The following FRMD3 variants were observed in gnomAD, a reference collection of about 807,000 sequenced individuals.
FRMD3 encodes the protein FERM domain-containing protein 3.
In FRMD3, 33 loss-of-function variants were observed where a neutral mutation model predicts 70.2. The ratio of observed to expected loss-of-function variants is 0.47; its 90% CI spans 0.36 to 0.63. FRMD3 has a LOEUF of 0.63. Among genes scored for constraint, FRMD3 ranks in the 20% least tolerant of loss-of-function variants. The pLI, the probability that FRMD3 is intolerant of heterozygous loss-of-function variation, is 0.00. For missense variants in FRMD3, 632 were observed against 711.4 expected (o/e 0.89, Z 1.27); for synonymous variants, 279 against 255.9 (o/e 1.09, Z -0.86).
At position 83,246,288 on chromosome 9, in the gene FRMD3, A is replaced by ACTC; in HGVS notation, c.*1627_*1629dup. The ACTC allele has an allele frequency of 1.0e-6, 1 of 984,596 alleles. No individual in the cohort carries two copies. Among genetic ancestry groups the ACTC allele is most frequent in the Non-Finnish European group, 1.2e-6 (1 of 829,344 alleles). The allele number at this position is 984,596 out of a possible 1,614,324, so 61.0% of individuals were successfully genotyped here. On this transcript the variant is annotated 3_prime_UTR_variant, in exon 14 of 14. Coordinates refer to ENST00000304195, the MANE Select transcript of FRMD3 (RefSeq NM_174938.6). ...CTATGCTCCATGGCATAAGTTCTAG[A>ACTC]CTCTTATCTTTCTCCCACATAACAC... is the stretch of plus-strand genomic sequence containing the variant.
chr9:83,526,685 T>G (rs1306847372), intron 1 of FRMD3, among the ~76,000 whole-genome samples: 1 of 152,204 alleles, frequency 6.6e-6, no homozygotes, highest in Non-Finnish European at 1.5e-5. Context: ...CCCAACTGAC[T>G]GCGAGCTCCT....
chr9:83,479,770 G>GAAAAGAAAA (rs1828518721), intron 1 of FRMD3, among the ~76,000 whole-genome samples: 1 of 50,906 alleles, frequency 2.0e-5, no homozygotes, highest in African/African-American at 1.1e-4. Flanking sequence ...AGGGAGGGAG[G>GAAAAGAAAA]GAGGGAGGGA....
chr9:83,435,144 G>C (rs2131382606), intron 1 of FRMD3, among the ~76,000 whole-genome samples: 1 of 152,172 alleles, frequency 6.6e-6, no homozygotes, highest in South Asian at 2.1e-4. Flanking sequence ...CCCTTATTTA[G>C]TGTTCCTTGC....
chr9:83,347,905 C>T (rs963598669), intron 4 of FRMD3, among the ~76,000 whole-genome samples: 10 of 152,150 alleles, frequency 6.6e-5, no homozygotes, highest in Admixed American at 5.9e-4. Flanking sequence ...ATCTTAATTA[C>T]CTTTGGAAAC....
At chr9:83,387,205 G>C (rs3860913) in intron 2 of FRMD3, among the ~76,000 whole-genome samples, 110,053 of 152,006 alleles carry the variant, frequency 0.72, 40,112 homozygotes, top group Admixed American at 0.75. Flanking sequence ...TTCTATTTCC[G>C]TCATTCCTTC....
At chr9:83,356,261 A>G (rs1252326723) in intron 3 of FRMD3, among the ~76,000 whole-genome samples, 1 of 140,742 alleles carries the variant, frequency 7.1e-6, no homozygotes. Context: ...GAGAAGCATC[A>G]CTCAGCAGCA....
chr9:83,507,714 A>C (rs1270688883), intron 1 of FRMD3, among the ~76,000 whole-genome samples: 1 of 103,820 alleles, frequency 9.6e-6, no homozygotes, highest in Admixed American at 1.0e-4. Context: ...ATATATATAT[A>C]TATATATATA....
intron 1 of FRMD3, 79 bp from the exon 2 acceptor site, chr9:83,389,787 A>C: frequency 1.1e-6 from 1 of 937,578 alleles, no homozygotes; most frequent in Non-Finnish European, 1.7e-6. Flanking sequence ...GTTCACCACC[A>C]TGGGTCTATG....
At chr9:83,362,806 C>CCTTCCTTCCTTCGCTT (rs1472095288) in intron 3 of FRMD3, among the ~76,000 whole-genome samples, 5,359 of 89,212 alleles carry the variant, frequency 0.06, 890 homozygotes, top group African/African-American at 0.11. Context: ...CTTCCTTTTT[C>CCTTCCTTCCTTCGCTT]CTTCCTTCCC....
At chr9:83,314,962 AC>A (rs1446774226) in intron 6 of FRMD3, among the ~76,000 whole-genome samples, 1 of 152,068 alleles carries the variant, frequency 6.6e-6, no homozygotes, top group Non-Finnish European at 1.5e-5. Flanking sequence ...GTCTTTTGGT[AC>A]TATGCTCTGA....
the FRMD3 span, among the ~76,000 whole-genome samples, chr9:83,567,352 C>T: frequency 6.6e-6 from 1 of 152,194 alleles, no homozygotes; most frequent in Non-Finnish European, 1.5e-5. Context: ...CCTCCTAGGC[C>T]TCTGGGCCTG....
At chr9:83,271,754 GC>G (rs1833560072) in intron 13 of FRMD3, among the ~76,000 whole-genome samples, 1 of 152,166 alleles carries the variant, frequency 6.6e-6, no homozygotes, top group Admixed American at 6.5e-5. Flanking sequence ...TGAGATAACT[GC>G]TCTCTGGGGC....
At chr9:83,462,064 G>A (rs771169589) in intron 1 of FRMD3, among the ~76,000 whole-genome samples, 2 of 152,102 alleles carry the variant, frequency 1.3e-5, no homozygotes, top group Admixed American at 6.5e-5. Context: ...AAAAGACCTG[G>A]AGAAGTTGAA....
intron 6 of FRMD3, among the ~76,000 whole-genome samples, chr9:83,321,361 G>A (rs1197020672): frequency 1.3e-5 from 2 of 151,948 alleles, no homozygotes; most frequent in Non-Finnish European, 2.9e-5. Context: ...GTATTCCACA[G>A]GTTTTGTTAC....
At chr9:83,532,480 G>A (rs1829809585) in intron 1 of FRMD3, among the ~76,000 whole-genome samples, 1 of 152,096 alleles carries the variant, frequency 6.6e-6, no homozygotes, top group Non-Finnish European at 1.5e-5. Flanking sequence ...TACAAAGATT[G>A]CCTAAAAAAA....
intron 13 of FRMD3, among the ~76,000 whole-genome samples, chr9:83,257,544 A>G (rs61699431): frequency 0.035 from 5,356 of 152,288 alleles, 315 homozygotes; most frequent in African/African-American, 0.12. Flanking sequence ...TCTTGAGTGT[A>G]AATTGTAAAA....
At chr9:83,491,796 A>G (rs1204297366) in intron 1 of FRMD3, among the ~76,000 whole-genome samples, 1 of 152,204 alleles carries the variant, frequency 6.6e-6, no homozygotes, top group Non-Finnish European at 1.5e-5. Flanking sequence ...CTTCTATTTA[A>G]CTGGGCATAG....
intron 13 of FRMD3, among the ~76,000 whole-genome samples, chr9:83,254,098 C>T (rs1418878051): frequency 6.7e-6 from 1 of 148,440 alleles, no homozygotes; most frequent in African/African-American, 2.5e-5. Context: ...GGGAACATCA[C>T]ACACTGGGGC....
intron 1 of FRMD3, among the ~76,000 whole-genome samples, chr9:83,473,360 T>A (rs1047090124): frequency 6.6e-6 from 1 of 152,202 alleles, no homozygotes. Flanking sequence ...ATGACTCCGG[T>A]CCAGTCCTCC....
Sources: allele counts gnomAD v4.1 joint callset (sites outside exome capture counted in the v4.1 genomes callset), GRCh38; gene constraint gnomAD v4.1.1; transcripts MANE v1.5; gene names NCBI Gene and HGNC (gene_info 2026-07-23, HGNC 2026-07-21).